The following TNR variants were observed in gnomAD, a reference collection of about 807,000 sequenced individuals.
The protein encoded by TNR is tenascin-R.
Under a neutral mutation model 150.4 loss-of-function variants are expected in TNR, and 45 were observed. That is an observed-to-expected ratio of 0.30 (90% CI 0.24 to 0.38). TNR has a LOEUF of 0.38. Ranked by LOEUF, TNR falls within the 10% of genes least tolerant of loss-of-function variation. The pLI is 1.00. For missense variants in TNR, 1,544 were observed against 1,759.1 expected, an observed-to-expected ratio of 0.88 and a Z score of 2.19; for synonymous variants, 687 against 678.4, an observed-to-expected ratio of 1.01 and a Z score of -0.20.
At chr1:175,495,288 T>A (rs984227504) in intron 2 of TNR, among the ~76,000 whole-genome samples, 1 of 152,158 alleles carries the variant, frequency 6.6e-6, no homozygotes, top group Non-Finnish European at 1.5e-5. Context: ...CTCACAGATG[T>A]TGTTTCAAGA....
intron 1 of TNR, among the ~76,000 whole-genome samples, chr1:175,688,175 T>A (rs945912876): frequency 2.0e-5 from 3 of 152,188 alleles, no homozygotes; most frequent in African/African-American, 7.2e-5. Context: ...CCCTCAGCTC[T>A]GCTGAGTGCC....
rs1661107364 is a variant in TNR, at chr1:175,555,246, GA to G, written c.-164-26878del. ...ACCCCCTATAGATACATACAGAGGG[GA>G]AAAATCTCAGATATTTGAGGTAGTC... On this transcript the variant is annotated intron_variant, in intron 1 of 22. Transcript: ENST00000367674. Among the ~76,000 whole-genome samples the G allele has an allele frequency of 3.3e-5, 5 of 152,200 alleles. No individual in the cohort carries two copies. The South Asian group carries it at 1.0e-3, about 32-fold the overall frequency.
chr1:175,644,354 A>G (rs183235224), intron 1 of TNR, among the ~76,000 whole-genome samples: 67 of 152,328 alleles, frequency 4.4e-4, no homozygotes, highest in Admixed American at 1.0e-3. Flanking sequence ...ACGTTTCTCT[A>G]TCCTTGATGT....
chr1:175,714,410 G>T, intron 1 of TNR, among the ~76,000 whole-genome samples: 1 of 152,104 alleles, frequency 6.6e-6, no homozygotes, highest in Middle Eastern at 3.2e-3. Flanking sequence ...CAGATTCATG[G>T]TTTGGAGATC....
intron 18 of TNR, among the ~76,000 whole-genome samples, chr1:175,346,258 C>G (rs115570804): frequency 0.013 from 1,930 of 152,218 alleles, 28 homozygotes; most frequent in South Asian, 0.024. Flanking sequence ...TTTATATTGT[C>G]TTAAATAAAA....
intron 2 of TNR, among the ~76,000 whole-genome samples, chr1:175,517,174 T>A (rs972089885): frequency 6.6e-6 from 1 of 151,788 alleles, no homozygotes; most frequent in East Asian, 1.9e-4. Flanking sequence ...TTCCCCTACC[T>A]CCCCCCAACA....
chr1:175,347,810 T>C (rs1650869239), intron 18 of TNR, among the ~76,000 whole-genome samples: 2 of 152,266 alleles, frequency 1.3e-5, no homozygotes, highest in South Asian at 4.1e-4. Flanking sequence ...TTATGCAACA[T>C]GATAATGCTT....
In TNR at chr1:175,585,878, G is replaced by A. The variant is rs116678081; in HGVS notation, c.-164-57509C>T. 3.4e-3 allele frequency among the ~76,000 whole-genome samples: 524 copies of A among 152,044 alleles called. 4 individuals are homozygous for A. Among genetic ancestry groups the A allele is most frequent in the Admixed American group, 9.4e-3 (143 of 15,272 alleles). ...AGAAAAGTTTCCTAACTTTTGTGAT[G>A]TCTTGGCACACATAAAGAATAGTTT... On this transcript the variant is annotated intron_variant, in intron 1 of 22. Coordinates refer to ENST00000367674, the MANE Select transcript of TNR (RefSeq NM_003285.3).
chr1:175,706,192 C>T (rs1026868217), intron 1 of TNR, among the ~76,000 whole-genome samples: 10 of 152,220 alleles, frequency 6.6e-5, no homozygotes. Flanking sequence ...AGAGATCTAT[C>T]TTGATAGTGG....
intron 1 of TNR, among the ~76,000 whole-genome samples, chr1:175,606,062 C>T (rs546086561): frequency 2.0e-4 from 30 of 152,346 alleles, no homozygotes; most frequent in Admixed American, 1.2e-3. Context: ...CATTCTTAAA[C>T]GGACAATAAT....
chr1:175,494,662 G>A (rs1050347901), intron 2 of TNR, among the ~76,000 whole-genome samples: 8 of 152,270 alleles, frequency 5.3e-5, no homozygotes, highest in South Asian at 2.1e-4. Context: ...TGTGCAGAGC[G>A]CTAACAAGCC....
intron 2 of TNR, among the ~76,000 whole-genome samples, chr1:175,419,795 A>T (rs893204629): frequency 6.6e-6 from 1 of 152,076 alleles, no homozygotes; most frequent in Non-Finnish European, 1.5e-5. Context: ...GTCCCCTTTT[A>T]CTGGAGTTCT....
chr1:175,701,257 C>T (rs1303917166), intron 1 of TNR, among the ~76,000 whole-genome samples: 1 of 152,148 alleles, frequency 6.6e-6, no homozygotes, highest in Non-Finnish European at 1.5e-5. Flanking sequence ...CTCATGATTC[C>T]TGTTCCTGCT....
At chr1:175,579,810 T>C (rs1211518412) in intron 1 of TNR, among the ~76,000 whole-genome samples, 2 of 151,922 alleles carry the variant, frequency 1.3e-5, no homozygotes, top group East Asian at 3.9e-4. Flanking sequence ...TTCCCTTGGA[T>C]ACCCAACTTC....
At chr1:175,541,110 T>A (rs1426439282) in intron 1 of TNR, among the ~76,000 whole-genome samples, 1 of 152,198 alleles carries the variant, frequency 6.6e-6, no homozygotes, top group Non-Finnish European at 1.5e-5. Flanking sequence ...TCTCCAGAAT[T>A]CACCTCCTCC....
intron 1 of TNR, among the ~76,000 whole-genome samples, chr1:175,547,199 G>A (rs1660725359): frequency 1.3e-5 from 2 of 152,190 alleles, no homozygotes; most frequent in African/African-American, 4.8e-5. Flanking sequence ...ACCCGAGACA[G>A]CTCATTCCAG....
intron 2 of TNR, among the ~76,000 whole-genome samples, chr1:175,517,012 TGAGAGA>T (rs58416273): frequency 0.17 from 20,269 of 120,394 alleles, 1,256 homozygotes; most frequent in Middle Eastern, 0.21. Context: ...ATCTGAAAGC[TGAGAGA>T]GAGAGAGAGA....
chr1:175,725,438 C>A (rs1667450872), intron 1 of TNR, among the ~76,000 whole-genome samples: 1 of 152,204 alleles, frequency 6.6e-6, no homozygotes, highest in Non-Finnish European at 1.5e-5. Context: ...GGGGTCTCAA[C>A]AGATACGACT....
chr1:175,692,128 G>A (rs973778910), intron 1 of TNR, among the ~76,000 whole-genome samples: 2 of 152,182 alleles, frequency 1.3e-5, no homozygotes, highest in African/African-American at 2.4e-5. Flanking sequence ...AAATGTATCC[G>A]TGGGTGTCAG....
Sources: allele counts gnomAD v4.1 joint callset (sites outside exome capture counted in the v4.1 genomes callset), GRCh38; gene constraint gnomAD v4.1.1; transcripts MANE v1.5; gene names NCBI Gene and HGNC (gene_info 2026-07-23, HGNC 2026-07-21).